Variants in MMP16 observed in about 807,000 individuals in gnomAD.
MMP16 encodes the protein matrix metalloproteinase-16.
A neutral mutation model predicts 67.8 loss-of-function variants in MMP16; 12 were observed. The ratio of observed to expected loss-of-function variants is 0.18; its 90% CI spans 0.11 to 0.29. MMP16 has a LOEUF of 0.29. Ranked by LOEUF, MMP16 falls within the 10% of genes least tolerant of loss-of-function variation. The pLI is 1.00. For missense variants in MMP16, 475 were observed against 765.7 expected, an observed-to-expected ratio of 0.62 and a Z score of 4.48; for synonymous variants, 249 against 255.9, an observed-to-expected ratio of 0.97 and a Z score of 0.26.
chr8:88,212,322 C>CA (rs1329802811), intron 1 of MMP16, among the ~76,000 whole-genome samples: 1 of 151,994 alleles, frequency 6.6e-6, no homozygotes, highest in East Asian at 1.9e-4. Context: ...TATACATGTA[C>CA]AAAATGAAGA....
At chr8:88,250,815 T>C (rs1242493445) in intron 1 of MMP16, among the ~76,000 whole-genome samples, 1 of 151,530 alleles carries the variant, frequency 6.6e-6, no homozygotes, top group Non-Finnish European at 1.5e-5. Context: ...TTAGGGTACA[T>C]GTGCACATTG....
chr8:88,086,196 G>A (rs1808831215), intron 6 of MMP16, among the ~76,000 whole-genome samples: 1 of 151,638 alleles, frequency 6.6e-6, no homozygotes, highest in Non-Finnish European at 1.5e-5. Context: ...ATCTACTCTT[G>A]TTCAGAAATC....
chr8:88,282,082 TGG>T (rs113575777), intron 1 of MMP16, among the ~76,000 whole-genome samples: 2,040 of 116,172 alleles, frequency 0.018, 79 homozygotes, highest in African/African-American at 0.057. Context: ...TTTTCTTTTT[TGG>T]GGGGGGGGGG....
intron 1 of MMP16, among the ~76,000 whole-genome samples, chr8:88,295,816 T>C (rs1811004025): frequency 6.6e-6 from 1 of 152,148 alleles, no homozygotes; most frequent in Non-Finnish European, 1.5e-5. Context: ...GAAGCACAGA[T>C]GGTAGGTAAT....
At chr8:88,154,634 G>A (rs1035079064) in intron 4 of MMP16, among the ~76,000 whole-genome samples, 12 of 150,228 alleles carry the variant, frequency 8.0e-5, no homozygotes, top group Admixed American at 1.3e-4. Flanking sequence ...ACCAAACACC[G>A]CATATTCTCA....
chr8:88,039,836 A>T lies in MMP16; in HGVS notation c.*1625T>A, dbSNP rs886882242. On this transcript the variant is annotated 3_prime_UTR_variant, in exon 10 of 10. Transcript: ENST00000286614. This position sits in a 1 kb window ranked among gnomAD's most constrained non-coding sequence, Gnocchi z 4.5. ...CTCTAGGAAAAAAATATTGATACAA[A>T]CCTGCTCTGCAGGTCACATGAAAAT... is the stretch of plus-strand genomic sequence containing the variant. 4 of 152,594 alleles carry T rather than the reference A, an allele frequency of 2.6e-5. No individual in the cohort carries two copies. Among genetic ancestry groups the T allele is most frequent in the African/African-American group, 9.7e-5 (4 of 41,438 alleles). The allele number at this position is 152,594 out of a possible 1,614,324, so 9.5% of individuals were successfully genotyped here.
In MMP16 at chr8:88,184,778, A is replaced by G. The variant is rs868631714; in HGVS notation, c.404+1698T>C. Among the ~76,000 whole-genome samples the G allele has an allele frequency of 3.8e-5, 5 of 130,112 alleles. No individual in the cohort carries two copies. The Admixed American group carries it at 4.1e-4, about 11-fold the overall frequency. The allele number at this position is 130,112 out of a possible 152,430, so 85.4% of individuals were successfully genotyped here. On this transcript the variant is annotated intron_variant, in intron 3 of 9. Transcript: ENST00000286614. Reference sequence around the variant, plus strand: ...AAAAAAAAAAAAAAAAAAAAAAAAAAGAAAAGAAAAAAGAATCCATGTTTT... The same window carrying G: ...AAAAAAAAAAAAAAAAAAAAAAAAAGGAAAAGAAAAAAGAATCCATGTTTT...
intron 7 of MMP16, among the ~76,000 whole-genome samples, chr8:88,059,583 C>A (rs1011648233): frequency 6.6e-6 from 1 of 152,080 alleles, no homozygotes; most frequent in African/African-American, 2.4e-5. Flanking sequence ...TTTAATGGAT[C>A]ATTACATTCA....
intron 3 of MMP16, among the ~76,000 whole-genome samples, chr8:88,180,546 T>A (rs1808963671): frequency 6.6e-6 from 1 of 152,012 alleles, no homozygotes; most frequent in South Asian, 2.1e-4. Flanking sequence ...AAAGAGCCAT[T>A]ACATAATGAT....
At chr8:88,128,763 A>C (rs991280012) in intron 4 of MMP16, among the ~76,000 whole-genome samples, 4 of 151,796 alleles carry the variant, frequency 2.6e-5, no homozygotes, top group Non-Finnish European at 4.4e-5. Flanking sequence ...AAAACCAATC[A>C]TGACTATGGA....
chr8:88,055,724 T>C (rs1035198063), intron 8 of MMP16, among the ~76,000 whole-genome samples: 4 of 152,246 alleles, frequency 2.6e-5, no homozygotes, highest in Non-Finnish European at 5.9e-5. Context: ...CAATTTATTG[T>C]ACACAAAGTA....
At chr8:88,252,004 G>C (rs1810232693) in intron 1 of MMP16, among the ~76,000 whole-genome samples, 1 of 116,422 alleles carries the variant, frequency 8.6e-6, no homozygotes, top group South Asian at 3.5e-4. Context: ...ACAGGTGCTG[G>C]AGAGGATGTG....
chr8:88,257,122 C>G (rs985026598), intron 1 of MMP16, among the ~76,000 whole-genome samples: 8 of 152,244 alleles, frequency 5.3e-5, no homozygotes, highest in African/African-American at 1.9e-4. Flanking sequence ...CTTCATAAGG[C>G]TGAACATATT....
intron 7 of MMP16, among the ~76,000 whole-genome samples, chr8:88,073,009 T>C (rs1808586963): frequency 6.6e-6 from 1 of 152,090 alleles, no homozygotes; most frequent in Non-Finnish European, 1.5e-5. Context: ...AGAACACGAA[T>C]TTATGACTGT....
At chr8:88,302,337 T>C (rs555595011) in intron 1 of MMP16, among the ~76,000 whole-genome samples, 1 of 152,206 alleles carries the variant, frequency 6.6e-6, no homozygotes, top group Non-Finnish European at 1.5e-5. Context: ...AACCCCAAAA[T>C]TATTGCTTAA....
chr8:88,262,245 T>C (rs1301194370), intron 1 of MMP16, among the ~76,000 whole-genome samples: 1 of 152,226 alleles, frequency 6.6e-6, no homozygotes, highest in Non-Finnish European at 1.5e-5. Flanking sequence ...GGAAATTTTA[T>C]CAAACGTGGC....
chr8:88,304,154 A>G (rs1811176381), intron 1 of MMP16, among the ~76,000 whole-genome samples: 1 of 152,220 alleles, frequency 6.6e-6, no homozygotes, highest in South Asian at 2.1e-4. Flanking sequence ...CAATGCAATC[A>G]CAAGTATCAA....
chr8:88,062,220 T>A (rs1254128424), intron 7 of MMP16, among the ~76,000 whole-genome samples: 1 of 152,094 alleles, frequency 6.6e-6, no homozygotes, highest in Non-Finnish European at 1.5e-5. Context: ...TACTGTAAAC[T>A]AGTTCAACCA....
intron 7 of MMP16, among the ~76,000 whole-genome samples, chr8:88,057,004 C>T (rs1808341093): frequency 6.6e-6 from 1 of 152,110 alleles, no homozygotes; most frequent in South Asian, 2.1e-4. Context: ...CATGCCCTCC[C>T]TGTGCCCCTG....
Sources: gnomAD v4.1 joint callset for allele counts (sites outside exome capture counted in the v4.1 genomes callset) on GRCh38, gnomAD v4.1.1 for gene constraint, Gnocchi (gnomAD v3.1) non-coding constraint, MANE v1.5 for transcripts, NCBI Gene and HGNC (gene_info 2026-07-23, HGNC 2026-07-21) for gene names.